The following DLGAP1 variants were observed in gnomAD, a reference collection of about 807,000 sequenced individuals.
DLGAP1 encodes the protein DLG associated protein 1, also known as disks large-associated protein 1.
A neutral mutation model predicts 90.8 loss-of-function variants in DLGAP1; 11 were observed. That is an observed-to-expected ratio of 0.12 (90% CI 0.08 to 0.20). The LOEUF is 0.20. Ranked by LOEUF, DLGAP1 falls within the 10% of genes least tolerant of loss-of-function variation. The pLI, the probability that DLGAP1 is intolerant of heterozygous loss-of-function variation, is 1.00. For missense variants in DLGAP1, 1,050 were observed against 1,333.8 expected (o/e 0.79, Z 3.31); for synonymous variants, 558 against 540.7 (o/e 1.03, Z -0.44).
At chr18:3,568,836 G>C (rs371291911) in intron 8 of DLGAP1, among the ~76,000 whole-genome samples, 1 of 151,780 alleles carries the variant, frequency 6.6e-6, no homozygotes, top group Non-Finnish European at 1.5e-5. Context: ...ACAGGTGCCC[G>C]CCACCACGCC....
chr18:3,580,210 G>C (rs986958852), intron 8 of DLGAP1: 27 of 1,574,344 alleles, frequency 1.7e-5, no homozygotes, highest in Non-Finnish European at 2.4e-5. Context: ...TCAAACCTCC[G>C]GGTGGACATT....
chr18:4,061,146 CAAAAGT>C (rs1487727382), intron 2 of DLGAP1, among the ~76,000 whole-genome samples: 1 of 152,112 alleles, frequency 6.6e-6, no homozygotes, highest in African/African-American at 2.4e-5. Context: ...AAGTTTTCAC[CAAAAGT>C]AAAAGTTGCC....
At chr18:3,667,588 C>T (rs903569041) in intron 7 of DLGAP1, among the ~76,000 whole-genome samples, 2 of 152,128 alleles carry the variant, frequency 1.3e-5, no homozygotes, top group African/African-American at 4.8e-5. Context: ...CTGGCCAAGT[C>T]TATTAAAACC....
intron 2 of DLGAP1, among the ~76,000 whole-genome samples, chr18:4,040,188 A>T (rs748141604): frequency 3.3e-5 from 5 of 152,222 alleles, no homozygotes; most frequent in Non-Finnish European, 7.3e-5. Context: ...ATCCTGGGCA[A>T]ATTCCTTAGC....
chr18:4,447,261 G>C (rs62085394), intron 1 of DLGAP1, among the ~76,000 whole-genome samples: 4 of 99,804 alleles, frequency 4.0e-5, no homozygotes, highest in African/African-American at 1.6e-4. Context: ...CATCAACAAA[G>C]ATTGATACCT....
chr18:4,323,165 C>T (rs1247363557), intron 1 of DLGAP1, among the ~76,000 whole-genome samples: 2 of 151,980 alleles, frequency 1.3e-5, no homozygotes, highest in African/African-American at 4.8e-5. Flanking sequence ...GAAAACATTC[C>T]TATAGTAAAT....
At chr18:3,551,688 C>G (rs1482005928) in intron 9 of DLGAP1, among the ~76,000 whole-genome samples, 1 of 8,642 alleles carries the variant, frequency 1.2e-4, no homozygotes, top group Non-Finnish European at 2.3e-4. Context: ...CCTCCCCTCC[C>G]TCCCTCCCTC....
intron 10 of DLGAP1, 31 bp downstream of exon 10, chr18:3,534,163 G>T: frequency 1.3e-6 from 2 of 1,591,692 alleles, no homozygotes; most frequent in South Asian, 1.2e-5. Context: ...AGCCCCAGGG[G>T]ACGGGTGTGG....
chr18:3,741,100 C>T (rs1191743161), intron 6 of DLGAP1, among the ~76,000 whole-genome samples: 5 of 116,044 alleles, frequency 4.3e-5, no homozygotes, highest in Admixed American at 1.7e-4. Context: ...ACCACCACCA[C>T]CATCACCATC....
chr18:4,129,283 C>T (rs4797148), intron 2 of DLGAP1, among the ~76,000 whole-genome samples: 49,514 of 151,252 alleles, frequency 0.33, 8,350 homozygotes, highest in African/African-American at 0.41. Context: ...TTAAGAGAAA[C>T]CCATAAGGAG....
intron 1 of DLGAP1, among the ~76,000 whole-genome samples, chr18:4,369,843 G>A (rs539814898): frequency 5.3e-5 from 8 of 150,244 alleles, no homozygotes; most frequent in African/African-American, 1.2e-4. Flanking sequence ...AAAAAAAGGC[G>A]GGGGGAAGAA....
At chr18:3,883,844 T>C (rs935557972) in intron 3 of DLGAP1, among the ~76,000 whole-genome samples, 9 of 152,314 alleles carry the variant, frequency 5.9e-5, no homozygotes, top group South Asian at 2.1e-4. Context: ...CTATATACCT[T>C]TGACTTCTAA....
intron 3 of DLGAP1, among the ~76,000 whole-genome samples, chr18:3,915,917 A>G (rs937977295): frequency 6.6e-6 from 1 of 152,036 alleles, no homozygotes; most frequent in Admixed American, 6.6e-5. Context: ...TCTATTTTTA[A>G]TTTTTTGTGG....
At chr18:3,814,026 G>C (rs1284324803) in intron 5 of DLGAP1, 33 bp downstream of exon 5, 2 of 1,593,968 alleles carry the variant, frequency 1.3e-6, no homozygotes, top group South Asian at 1.1e-5. Context: ...CAAGCACCTG[G>C]ACTATCGCAA....
chr18:3,570,603 T>C (rs1010001560), intron 8 of DLGAP1, among the ~76,000 whole-genome samples: 3 of 152,010 alleles, frequency 2.0e-5, no homozygotes, highest in Non-Finnish European at 4.4e-5. Context: ...ATATTTTCTA[T>C]GGCAAGTCTC....
At chr18:4,087,052 T>A (rs12954132) in intron 2 of DLGAP1, among the ~76,000 whole-genome samples, 2 of 89,018 alleles carry the variant, frequency 2.2e-5, no homozygotes, top group East Asian at 4.0e-4. Context: ...CACAAACACA[T>A]ATATATATAC....
chr18:4,308,941 G>A (rs1199877440), intron 1 of DLGAP1, among the ~76,000 whole-genome samples: 1 of 152,188 alleles, frequency 6.6e-6, no homozygotes, highest in Non-Finnish European at 1.5e-5. Flanking sequence ...AAATGTAATT[G>A]CTTCATTCCT....
At chr18:3,663,356 C>G (rs935719908) in intron 7 of DLGAP1, among the ~76,000 whole-genome samples, 39 of 152,004 alleles carry the variant, frequency 2.6e-4, no homozygotes, top group African/African-American at 8.9e-4. Flanking sequence ...TTTTGCCTTA[C>G]AGAAGATGTG....
At chr18:4,408,002 T>C (rs2082700454) in intron 1 of DLGAP1, among the ~76,000 whole-genome samples, 1 of 152,106 alleles carries the variant, frequency 6.6e-6, no homozygotes, top group Non-Finnish European at 1.5e-5. Context: ...AACGTGAGTT[T>C]TGTCAAAGAA....
Sources: allele counts gnomAD v4.1 joint callset (sites outside exome capture counted in the v4.1 genomes callset), GRCh38; gene constraint gnomAD v4.1.1; transcripts MANE v1.5; gene names NCBI Gene and HGNC (gene_info 2026-07-23, HGNC 2026-07-21).